The following NUP210L variants were observed in gnomAD, a reference collection of about 807,000 sequenced individuals.
NUP210L encodes nucleoporin 210 like.
NUP210L carries 74 observed loss-of-function variants against 208.5 expected under a neutral mutation model. That is an observed-to-expected ratio of 0.35 (90% CI 0.29 to 0.43). The LOEUF is 0.43. Ranked by LOEUF, NUP210L falls within the 20% of genes least tolerant of loss-of-function variation. NUP210L has a pLI of 1.00. For missense variants in NUP210L, 1,843 were observed against 2,289.4 expected (o/e 0.81, Z 3.98); for synonymous variants, 780 against 816.9 (o/e 0.95, Z 0.77).
chr1:154,094,891 G>T (rs1369205403), intron 15 of NUP210L, 44 bp downstream of exon 15: 4 of 1,399,928 alleles, frequency 2.9e-6, no homozygotes, highest in Middle Eastern at 1.8e-4. Context: ...AAAGGATTTG[G>T]AGTATTACAC....
chr1:154,129,706 G>A (rs1026186796), intron 7 of NUP210L, among the ~76,000 whole-genome samples: 4 of 152,248 alleles, frequency 2.6e-5, no homozygotes, highest in African/African-American at 9.6e-5. Context: ...TCTGGAGGAA[G>A]AGACCTTCTG....
intron 27 of NUP210L, among the ~76,000 whole-genome samples, chr1:154,033,001 G>GAA (rs1264936002): frequency 7.5e-6 from 1 of 132,980 alleles, no homozygotes; most frequent in African/African-American, 3.2e-5. Context: ...AAGAAAGAAA[G>GAA]AAAAAAAGAA....
chr1:154,109,451 T>C (rs1656933260), intron 12 of NUP210L, among the ~76,000 whole-genome samples: 1 of 151,548 alleles, frequency 6.6e-6, no homozygotes, highest in Admixed American at 6.6e-5. Flanking sequence ...AGCTGGAGAC[T>C]TCAACACCCT....
intron 34 of NUP210L, 112 bp from the exon 35 acceptor site, chr1:154,010,233 G>T: frequency 2.1e-6 from 2 of 958,044 alleles, no homozygotes; most frequent in Admixed American, 2.7e-5. Flanking sequence ...AAGAAAGAGG[G>T]TCAGTTATGG....
intron 17 of NUP210L, among the ~76,000 whole-genome samples, chr1:154,064,607 C>T (rs1425166877): frequency 6.6e-6 from 1 of 152,152 alleles, no homozygotes; most frequent in Non-Finnish European, 1.5e-5. Flanking sequence ...TGTTTAAAGT[C>T]TGGCTTCTCC....
At chr1:154,062,101 C>T (rs996333368) in intron 17 of NUP210L, among the ~76,000 whole-genome samples, 1 of 152,178 alleles carries the variant, frequency 6.6e-6, no homozygotes, top group Non-Finnish European at 1.5e-5. Flanking sequence ...GCTGGGATTA[C>T]AGACACGAGC....
exon 39 of NUP210L, chr1:153,993,026 G>T: frequency 1.9e-6 from 3 of 1,613,606 alleles, no homozygotes; most frequent in African/African-American, 1.3e-5. Context: ...TGGCTGTGGT[G>T]TTCCTAGAGT....
At chr1:154,121,015 A>G (rs529792873) in intron 10 of NUP210L, among the ~76,000 whole-genome samples, 18 of 152,176 alleles carry the variant, frequency 1.2e-4, no homozygotes, top group African/African-American at 4.1e-4. Flanking sequence ...TCTGGTAGTG[A>G]GATCTTCTTC....
intron 37 of NUP210L, among the ~76,000 whole-genome samples, chr1:153,997,250 C>T (rs1649941206): frequency 6.7e-6 from 1 of 148,196 alleles, no homozygotes; most frequent in African/African-American, 2.4e-5. Context: ...AGGCATGAGC[C>T]ATCGCGCTGG....
rs768548300 is a variant in NUP210L, at chr1:154,143,512, G to A, written c.406C>T (p.Arg136Trp). 16 of 1,613,602 alleles carry A rather than the reference G, an allele frequency of 9.9e-6. No homozygotes were observed. The highest frequency in any genetic ancestry group is 8.9e-5 in the East Asian group (4 of 44,880). ...TCATCTACATAAAGTTCCCGGGCCC[G>A]AGATACAATTTCAATGCTGTTTATC... is the stretch of plus-strand genomic sequence containing the variant. The change falls in exon 3 of 40, where the codon CGG becomes TGG. Residue 136 changes from arginine to tryptophan, a missense_variant. Coordinates refer to ENST00000368559, the Ensembl canonical transcript of NUP210L.
In NUP210L at chr1:154,079,564, C is replaced by T. The variant is rs886861846; in HGVS notation, c.2362-9099G>A. The T allele has an allele frequency of 3.4e-4, 52 of 152,090 alleles. 1 individual carries two copies. Among genetic ancestry groups the T allele is most frequent in the Admixed American group, 3.1e-3 (48 of 15,240 alleles). The allele number at this position is 152,090 out of a possible 1,614,324, so 9.4% of individuals were successfully genotyped here. A position where few individuals can be genotyped will look rare whatever the true frequency, so the allele number is the denominator to read the frequency against. On this transcript the variant is annotated intron_variant, in intron 16 of 39. Coordinates refer to ENST00000368559, the Ensembl canonical transcript of NUP210L. ...TTTGTCCCCATATCTCAACTGAAAT[C>T]TTTACAGAAAATCTAAGTTCTACCT...
intron 37 of NUP210L, chr1:153,996,074 C>T (rs1649840723): frequency 3.0e-6 from 1 of 332,254 alleles, no homozygotes; most frequent in Non-Finnish European, 5.9e-6. Context: ...GGGTGGATCA[C>T]AAGGTCAGGA....
chr1:154,061,486 G>A, intron 18 of NUP210L, 100 bp downstream of exon 18: 1 of 692,790 alleles, frequency 1.4e-6, no homozygotes, highest in Non-Finnish European at 2.4e-6. Context: ...AATTACAGAG[G>A]TATATAGTCT....
chr1:154,054,206 G>T, intron 25 of NUP210L, 22 bp downstream of exon 25: 3 of 1,612,498 alleles, frequency 1.9e-6, no homozygotes, highest in Non-Finnish European at 2.5e-6. Context: ...AATAGAAGCA[G>T]AGCAGAGCAA....
In NUP210L at chr1:154,069,990, G is replaced by C. The variant is rs1654620737; in HGVS notation, c.2554+283C>G. 5.3e-5 allele frequency among the ~76,000 whole-genome samples: 8 copies of C among 152,218 alleles called. 1 individual carries two copies. In the South Asian group the frequency reaches 1.5e-3, roughly 28 times the overall value. On this transcript the variant is annotated intron_variant, in intron 17 of 39. Transcript: ENST00000368559. ...ACCGCACGTTCTCTCTCAGAGGTGG[G>C]AATTGAACAATGAGAACACTTGGAC...
At chr1:154,127,535 T>G (rs1419210937) in intron 8 of NUP210L, 118 bp from the exon 9 acceptor site, 29 of 437,206 alleles carry the variant, frequency 6.6e-5, no homozygotes, top group Middle Eastern at 1.1e-3. Context: ...TAGATGGAGA[T>G]GGTTTCCAAA....
intron 35 of NUP210L, among the ~76,000 whole-genome samples, chr1:154,006,966 A>ATT (rs1196661554): frequency 5.2e-5 from 6 of 115,786 alleles, no homozygotes; most frequent in South Asian, 2.8e-4. Context: ...ATATATATAT[A>ATT]TTTTTTTTTT....
At chr1:154,044,169 G>C (rs567554172) in intron 27 of NUP210L, among the ~76,000 whole-genome samples, 1 of 151,746 alleles carries the variant, frequency 6.6e-6, no homozygotes, top group African/African-American at 2.4e-5. Flanking sequence ...ACTTTGGGAG[G>C]CCGAGGTGGG....
chr1:154,152,590 G>C, intron 2 of NUP210L, 146 bp downstream of exon 2: 2 of 668,302 alleles, frequency 3.0e-6, no homozygotes, highest in Middle Eastern at 4.3e-4. Context: ...GGGATTAAAG[G>C]CGTGAGCCAC....
Sources: gnomAD v4.1 joint callset for allele counts (sites outside exome capture counted in the v4.1 genomes callset) on GRCh38, gnomAD v4.1.1 for gene constraint, MANE v1.5 for transcripts, NCBI Gene and HGNC (gene_info 2026-07-23, HGNC 2026-07-21) for gene names.